MSRA: variants seen among roughly 807,000 people sequenced by gnomAD.
MSRA encodes the protein mitochondrial peptide methionine sulfoxide reductase.
MSRA carries 54 observed loss-of-function variants against 31.3 expected under a neutral mutation model. That is an observed-to-expected ratio of 1.73 (90% CI 1.39 to 2.17). The LOEUF is 2.17. Ranked by LOEUF, MSRA falls within the 30% of genes most tolerant of loss-of-function variation. The probability of loss-of-function intolerance (pLI) is 0.00; values close to 1 mark genes in which losing one functional copy is unlikely to be tolerated. For missense variants in MSRA, 507 were observed against 300.9 expected (o/e 1.69, Z -5.07); for synonymous variants, 169 against 116.5 (o/e 1.45, Z -2.90).
At chr8:10,322,547 G>A (rs567541543) in intron 5 of MSRA, among the ~76,000 whole-genome samples, 4 of 152,260 alleles carry the variant, frequency 2.6e-5, no homozygotes, top group African/African-American at 9.6e-5. Flanking sequence ...GTTAAGTTGT[G>A]AAAGTGCAGA....
At chr8:10,340,809 G>T (rs1478383414) in intron 5 of MSRA, among the ~76,000 whole-genome samples, 2 of 152,242 alleles carry the variant, frequency 1.3e-5, no homozygotes, top group Non-Finnish European at 2.9e-5. Context: ...CTTAAAACCT[G>T]CAAAGGCATC....
chr8:10,220,825 G>T (rs1810428132), intron 2 of MSRA, among the ~76,000 whole-genome samples: 1 of 152,208 alleles, frequency 6.6e-6, no homozygotes, highest in Non-Finnish European at 1.5e-5. Context: ...ACATTGGGAA[G>T]CATGGAAGAG....
At chr8:10,401,873 A>G (rs1057414851) in intron 5 of MSRA, among the ~76,000 whole-genome samples, 11 of 152,318 alleles carry the variant, frequency 7.2e-5, no homozygotes, top group African/African-American at 2.2e-4. Context: ...TAGAGATAGA[A>G]AATGGAATAG....
At chr8:10,153,863 C>A (rs149792623) in intron 1 of MSRA, among the ~76,000 whole-genome samples, 1 of 152,288 alleles carries the variant, frequency 6.6e-6, no homozygotes, top group Non-Finnish European at 1.5e-5. Context: ...TATTTCGGAT[C>A]CAGGCTTTAG....
intron 1 of MSRA, among the ~76,000 whole-genome samples, chr8:10,176,661 A>T (rs922116962): frequency 6.6e-6 from 1 of 152,230 alleles, no homozygotes; most frequent in Non-Finnish European, 1.5e-5. Flanking sequence ...CAGAAATTTG[A>T]CCCAAGATAC....
At chr8:10,248,808 C>T (rs1563267331) in intron 3 of MSRA, among the ~76,000 whole-genome samples, 1 of 152,198 alleles carries the variant, frequency 6.6e-6, no homozygotes, top group Non-Finnish European at 1.5e-5. Context: ...TGCTTGGTGC[C>T]ACTTGCACCC....
chr8:10,278,111 C>G (rs1403313654), intron 3 of MSRA, among the ~76,000 whole-genome samples: 2 of 152,016 alleles, frequency 1.3e-5, no homozygotes, highest in African/African-American at 4.8e-5. Flanking sequence ...TTTATTTATT[C>G]TACAGATATC....
At chr8:10,068,502 G>T (rs1797571717) in intron 1 of MSRA, among the ~76,000 whole-genome samples, 1 of 152,210 alleles carries the variant, frequency 6.6e-6, no homozygotes, top group African/African-American at 2.4e-5. Flanking sequence ...TGTAAGGTCT[G>T]TGTCTAGATT....
intron 1 of MSRA, among the ~76,000 whole-genome samples, chr8:10,057,713 C>G (rs768496618): frequency 7.9e-5 from 12 of 152,108 alleles, no homozygotes; most frequent in African/African-American, 2.7e-4. Flanking sequence ...TGTAGCTTGC[C>G]CCTTTGCGCT....
At chr8:10,393,031 C>T (rs918423537) in intron 5 of MSRA, among the ~76,000 whole-genome samples, 11 of 137,018 alleles carry the variant, frequency 8.0e-5, no homozygotes, top group Non-Finnish European at 1.7e-4. Flanking sequence ...CGCTGCACTC[C>T]AGCCTGGACG....
chr8:10,322,009 T>C lies in MSRA; in HGVS notation c.543+2020T>C, dbSNP rs538581434. ...CCATTCTAAAAACCTTTTACCTATA[T>C]ATTCTTTCTCTTATCCCTTTTTCGT... On this transcript the variant is annotated intron_variant, in intron 5 of 5. Transcript: ENST00000317173. Among the ~76,000 whole-genome samples the C allele has an allele frequency of 5.3e-5, 8 of 152,354 alleles. No homozygotes were observed. In the South Asian group the frequency reaches 1.2e-3, roughly 24 times the overall value.
chr8:10,108,029 A>G (rs1166475728), intron 1 of MSRA, among the ~76,000 whole-genome samples: 1 of 152,104 alleles, frequency 6.6e-6, no homozygotes, highest in East Asian at 1.9e-4. Context: ...CTTGGTGGTG[A>G]CAGAATATAG....
chr8:10,412,586 C>T (rs1808222271), intron 5 of MSRA, among the ~76,000 whole-genome samples: 1 of 152,144 alleles, frequency 6.6e-6, no homozygotes, highest in East Asian at 1.9e-4. Context: ...AGAGAACCCT[C>T]AAAATTCAAC....
At chr8:10,249,367 T>C (rs1259882877) in intron 3 of MSRA, among the ~76,000 whole-genome samples, 1 of 152,228 alleles carries the variant, frequency 6.6e-6, no homozygotes, top group African/African-American at 2.4e-5. Context: ...CTGAGTTATA[T>C]GACAAAAACA....
chr8:10,287,949 C>G (rs1284989552), intron 3 of MSRA, among the ~76,000 whole-genome samples: 1 of 152,098 alleles, frequency 6.6e-6, no homozygotes, highest in South Asian at 2.1e-4. Flanking sequence ...AGACTGTGAG[C>G]TCTTTGAGGT....
At chr8:10,164,903 C>T (rs1268171149) in intron 1 of MSRA, among the ~76,000 whole-genome samples, 2 of 152,166 alleles carry the variant, frequency 1.3e-5, no homozygotes, top group African/African-American at 2.4e-5. Flanking sequence ...TCGCAGACGC[C>T]TGTATTCCCA....
intron 1 of MSRA, among the ~76,000 whole-genome samples, chr8:10,206,901 T>C (rs1455750167): frequency 6.6e-6 from 1 of 152,228 alleles, no homozygotes. Context: ...CATCCTTCCC[T>C]AGACCCCTCC....
intron 3 of MSRA, among the ~76,000 whole-genome samples, chr8:10,254,206 G>A (rs1048126773): frequency 5.3e-5 from 8 of 152,188 alleles, no homozygotes; most frequent in Non-Finnish European, 1.2e-4. Context: ...AGAATGGGAG[G>A]TAGCATCACG....
chr8:10,228,129 A>G (rs1374275328), intron 2 of MSRA, among the ~76,000 whole-genome samples: 5 of 152,022 alleles, frequency 3.3e-5, no homozygotes, highest in Admixed American at 3.3e-4. Flanking sequence ...TCTCTCGTCC[A>G]CTGAGCTACC....
Sources: allele counts gnomAD v4.1 joint callset (sites outside exome capture counted in the v4.1 genomes callset), GRCh38; gene constraint gnomAD v4.1.1; transcripts MANE v1.5; gene names NCBI Gene and HGNC (gene_info 2026-07-23, HGNC 2026-07-21).